ZFHX3: variants seen among roughly 807,000 people sequenced by gnomAD.
ZFHX3 encodes the protein zinc finger homeobox protein 3.
Under a neutral mutation model 279.1 loss-of-function variants are expected in ZFHX3, and 42 were observed. The ratio of observed to expected loss-of-function variants is 0.15; its 90% CI spans 0.12 to 0.19. The LOEUF (loss-of-function observed/expected upper bound fraction) is 0.19, where lower values mean the gene tolerates loss of function less well. Ranked by LOEUF, ZFHX3 falls within the 10% of genes least tolerant of loss-of-function variation. The pLI is 1.00. For missense variants in ZFHX3, 4,981 were observed against 4,754.0 expected, an observed-to-expected ratio of 1.05 and a Z score of -1.40; for synonymous variants, 2,293 against 1,957.8, an observed-to-expected ratio of 1.17 and a Z score of -4.52.
intron 1 of ZFHX3, among the ~76,000 whole-genome samples, chr16:73,056,254 AGACT>A (rs1405914340): frequency 3.3e-5 from 5 of 152,212 alleles, no homozygotes; most frequent in East Asian, 1.9e-4. Flanking sequence ...CAAGCTTTCA[AGACT>A]GACTGTGTCT....
At chr16:73,588,361 G>T (rs1043950867) in intron 2 of ZFHX3, among the ~76,000 whole-genome samples, 1 of 152,136 alleles carries the variant, frequency 6.6e-6, no homozygotes, top group African/African-American at 2.4e-5. Context: ...AAAGCTTGGA[G>T]TTTTAGATCT....
intron 3 of ZFHX3, among the ~76,000 whole-genome samples, chr16:72,910,480 T>C (rs1193342096): frequency 6.6e-6 from 1 of 152,238 alleles, no homozygotes; most frequent in African/African-American, 2.4e-5. Flanking sequence ...TTAGGTGTTT[T>C]CTCAATAACA....
intron 3 of ZFHX3, among the ~76,000 whole-genome samples, chr16:72,903,170 T>A (rs1030863725): frequency 6.6e-6 from 1 of 152,124 alleles, no homozygotes; most frequent in African/African-American, 2.4e-5. Flanking sequence ...GGGTGCCCAC[T>A]GTGGAGGTCG....
intron 3 of ZFHX3, among the ~76,000 whole-genome samples, chr16:72,941,832 T>C (rs1360855048): frequency 2.0e-5 from 3 of 152,190 alleles, no homozygotes; most frequent in Non-Finnish European, 4.4e-5. Context: ...TTTCTGCCAT[T>C]AGAAAATTTT....
chr16:73,877,521 C>A (rs998759424), intron 1 of ZFHX3, among the ~76,000 whole-genome samples: 1 of 152,090 alleles, frequency 6.6e-6, no homozygotes, highest in Non-Finnish European at 1.5e-5. Context: ...CCAGTTGATA[C>A]AGATGAAAAC....
intron 1 of ZFHX3, among the ~76,000 whole-genome samples, chr16:73,800,477 A>G (rs1482850516): frequency 2.6e-5 from 4 of 152,080 alleles, no homozygotes; most frequent in South Asian, 2.1e-4. Context: ...TTGGCCTCCC[A>G]AAGAGCTGCG....
intron 5 of ZFHX3, among the ~76,000 whole-genome samples, chr16:73,222,344 C>T (rs2012450976): frequency 6.6e-6 from 1 of 151,964 alleles, no homozygotes; most frequent in Admixed American, 6.6e-5. Flanking sequence ...AAAAGCCCTC[C>T]TGGAACTAAT....
At chr16:72,931,404 T>TACACACAGAC (rs1959790024) in intron 3 of ZFHX3, among the ~76,000 whole-genome samples, 1 of 120,106 alleles carries the variant, frequency 8.3e-6, no homozygotes. Context: ...TTTATTTCAT[T>TACACACAGAC]ACACACACAC....
chr16:73,435,997 C>T (rs1009695072), intron 3 of ZFHX3, among the ~76,000 whole-genome samples: 2 of 152,202 alleles, frequency 1.3e-5, no homozygotes, highest in African/African-American at 4.8e-5. Context: ...CGTTTTCTCA[C>T]TGCTGATAAA....
At chr16:73,451,202 T>C (rs2018277294) in intron 3 of ZFHX3, among the ~76,000 whole-genome samples, 1 of 152,094 alleles carries the variant, frequency 6.6e-6, no homozygotes, top group Non-Finnish European at 1.5e-5. Context: ...TGAACTGGGG[T>C]GTTCCCAGAA....
chr16:72,918,510 C>T (rs1447258682), intron 3 of ZFHX3, among the ~76,000 whole-genome samples: 2 of 152,082 alleles, frequency 1.3e-5, no homozygotes, highest in Admixed American at 1.3e-4. Flanking sequence ...CATCATATCA[C>T]AAGGAAGATG....
chr16:73,676,015 A>C (rs1040244038), intron 2 of ZFHX3, among the ~76,000 whole-genome samples: 1 of 152,086 alleles, frequency 6.6e-6, no homozygotes, highest in Admixed American at 6.6e-5. Flanking sequence ...CCAACCATCC[A>C]TCTTTCTTGA....
At chr16:73,096,774 G>T (rs1671928119) in intron 7 of ZFHX3, among the ~76,000 whole-genome samples, 1 of 151,990 alleles carries the variant, frequency 6.6e-6, no homozygotes, top group Non-Finnish European at 1.5e-5. Context: ...AGAGAATGGG[G>T]CATCATGTTA....
intron 2 of ZFHX3, among the ~76,000 whole-genome samples, chr16:73,579,669 T>C (rs2143821020): frequency 1.3e-5 from 2 of 148,456 alleles, no homozygotes; most frequent in South Asian, 4.2e-4. Flanking sequence ...GCCTGGCTAA[T>C]TTTTTTGTAT....
At chr16:73,486,949 T>C (rs2018986116) in intron 2 of ZFHX3, 1 of 437,282 alleles carries the variant, frequency 2.3e-6, no homozygotes, top group Non-Finnish European at 4.6e-6. Flanking sequence ...TTTGGGTTAC[T>C]GGGTATTTAT....
chr16:73,370,972 G>A (rs1265713861), intron 3 of ZFHX3, among the ~76,000 whole-genome samples: 1 of 152,132 alleles, frequency 6.6e-6, no homozygotes, highest in Non-Finnish European at 1.5e-5. Context: ...GAAGCTCTTT[G>A]AGATAATGCT....
intron 5 of ZFHX3, among the ~76,000 whole-genome samples, chr16:73,248,830 T>G (rs377674546): frequency 6.6e-6 from 1 of 152,116 alleles, no homozygotes; most frequent in Non-Finnish European, 1.5e-5. Flanking sequence ...TTGAAAAACA[T>G]GTTTTTATTC....
At chr16:72,805,212 C>A (rs2036227472) in intron 7 of ZFHX3, among the ~76,000 whole-genome samples, 1 of 151,952 alleles carries the variant, frequency 6.6e-6, no homozygotes, top group Non-Finnish European at 1.5e-5. Context: ...GAACTCCTGA[C>A]CTTAAGTGAT....
chr16:72,820,127 G>C (rs956711097), intron 5 of ZFHX3, among the ~76,000 whole-genome samples: 5 of 152,178 alleles, frequency 3.3e-5, no homozygotes, highest in Non-Finnish European at 5.9e-5. Context: ...TGGGAATGGG[G>C]GTTCAGGCAC....
Sources: gnomAD v4.1 joint callset for allele counts (sites outside exome capture counted in the v4.1 genomes callset) on GRCh38, gnomAD v4.1.1 for gene constraint, MANE v1.5 for transcripts, NCBI Gene and HGNC (gene_info 2026-07-23, HGNC 2026-07-21) for gene names.